BEST3: variants seen among roughly 807,000 people sequenced by gnomAD.
BEST3 encodes bestrophin 3.
BEST3 carries 50 observed loss-of-function variants against 47.1 expected under a neutral mutation model. The observed-to-expected ratio is 1.06, with a 90% CI of 0.85 to 1.34. The LOEUF is 1.34. BEST3 is among the 40% of genes most tolerant of loss of function. The probability of loss-of-function intolerance (pLI) is 0.00; values close to 1 mark genes in which losing one functional copy is unlikely to be tolerated. For missense variants in BEST3, 765 were observed against 817.0 expected (o/e 0.94, Z 0.78); for synonymous variants, 282 against 298.8 (o/e 0.94, Z 0.58).
At chr12:69,664,555 T>C (rs1884070865) in intron 9 of BEST3, among the ~76,000 whole-genome samples, 1 of 152,140 alleles carries the variant, frequency 6.6e-6, no homozygotes, top group South Asian at 2.1e-4. Context: ...TTCCTTCCTT[T>C]TTCCAAACAA....
intron 9 of BEST3, among the ~76,000 whole-genome samples, chr12:69,657,344 C>T (rs758120735): frequency 6.6e-6 from 1 of 152,134 alleles, no homozygotes; most frequent in South Asian, 2.1e-4. Flanking sequence ...AATCTGCCCA[C>T]CTTGCCCTCC....
At chr12:69,686,138 G>A (rs1405611236) in intron 4 of BEST3, among the ~76,000 whole-genome samples, 1 of 149,224 alleles carries the variant, frequency 6.7e-6, no homozygotes, top group Non-Finnish European at 1.5e-5. Context: ...ACACAAGGCA[G>A]TGGAGATTCA....
At position 69,699,280 on chromosome 12, in the gene BEST3, G is replaced by A. The variant is rs757458438; in HGVS notation, c.-91C>T. ...GGGCTCCCCCGAAGAGGTGCCTTCA[G>A]GTCGGTGCTGCACGCCCGGTGTCAC... On this transcript the variant is annotated 5_prime_UTR_variant, in exon 1 of 10. Coordinates refer to ENST00000330891, the MANE Select transcript of BEST3 (RefSeq NM_032735.3). 1 of 985,410 alleles carries A rather than the reference G, an allele frequency of 1.0e-6. No homozygotes were observed. The highest frequency in any genetic ancestry group is 1.2e-6 in the Non-Finnish European group (1 of 829,936). The allele number at this position is 985,410 out of a possible 1,614,324, so 61.0% of individuals were successfully genotyped here.
intron 4 of BEST3, chr12:69,684,575 CTT>C (rs1418103808): frequency 1.5e-6 from 1 of 681,932 alleles, no homozygotes; most frequent in African/African-American, 1.8e-5. Context: ...CATCTCAAAA[CTT>C]GAAGGCAGAA....
chr12:69,653,120 T>G (rs773071133), downstream of BEST3, among the ~76,000 whole-genome samples: 1 of 152,174 alleles, frequency 6.6e-6, no homozygotes, highest in African/African-American at 2.4e-5. Flanking sequence ...GAACATTGCG[T>G]ATCAGGAGGA....
At chr12:69,652,774 A>G (rs1883251093), downstream of BEST3, among the ~76,000 whole-genome samples, 1 of 152,226 alleles carries the variant, frequency 6.6e-6, no homozygotes, top group South Asian at 2.1e-4. Flanking sequence ...TGAGCAACAG[A>G]CAGAGCTAAA....
intron 4 of BEST3, among the ~76,000 whole-genome samples, chr12:69,690,176 G>A (rs1885860872): frequency 6.6e-6 from 1 of 152,102 alleles, no homozygotes; most frequent in East Asian, 1.9e-4. Flanking sequence ...AGGGCCTGTG[G>A]GTCTGTGGAT....
intron 9 of BEST3, among the ~76,000 whole-genome samples, chr12:69,647,782 C>G (rs1883086927): frequency 6.6e-6 from 1 of 152,020 alleles, no homozygotes; most frequent in Admixed American, 6.6e-5. Context: ...GATTTCTATT[C>G]AACAAATACC....
intron 1 of BEST3, 113 bp from the exon 2 acceptor site, chr12:69,697,926 C>G: frequency 1.3e-6 from 1 of 774,392 alleles, no homozygotes; most frequent in South Asian, 2.2e-5. Context: ...AGCCATATCT[C>G]TGTTTTGTCT....
chr12:69,693,468 T>A (rs1169344308), intron 4 of BEST3, among the ~76,000 whole-genome samples: 1 of 152,130 alleles, frequency 6.6e-6, no homozygotes, highest in African/African-American at 2.4e-5. Flanking sequence ...TTTCGCCATG[T>A]TGGCCAGGTT....
intron 9 of BEST3, among the ~76,000 whole-genome samples, chr12:69,659,298 C>G (rs977861350): frequency 6.6e-6 from 1 of 152,118 alleles, no homozygotes; most frequent in Admixed American, 6.5e-5. Context: ...GCCACTATTC[C>G]CAATATGACA....
chr12:69,671,205 C>G (rs1884547242), intron 9 of BEST3, among the ~76,000 whole-genome samples: 1 of 152,154 alleles, frequency 6.6e-6, no homozygotes, highest in South Asian at 2.1e-4. Context: ...CACTTTGTCA[C>G]CCAGGCTGGA....
chr12:69,651,754 C>T (rs1436188211), downstream of BEST3, among the ~76,000 whole-genome samples: 36 of 135,090 alleles, frequency 2.7e-4, no homozygotes, highest in Admixed American at 1.3e-3. Context: ...CAGCTCTGGG[C>T]GACAAAGTGA....
In BEST3 at chr12:69,655,700, G is replaced by T; in HGVS notation, c.1214C>A (p.Pro405His). ...GTAGCTTCTTCTTCTGGGGCTGGAG[G>T]GGTGTTCGTGGGCACTCAGGAACCG... The part of the protein sequence containing the change: ...VKRFLSAHEH[P>H]SSPRRRSYRR... The change falls in exon 10 of 10, where the codon CCC becomes CAC. Residue 405 changes from proline to histidine, a missense_variant. Pro to His is a moderately conservative substitution (Grantham distance 77). Coordinates refer to ENST00000330891, the MANE Select transcript of BEST3 (RefSeq NM_032735.3). 1.2e-6 allele frequency: 2 copies of T among 1,613,958 alleles called. No homozygotes were observed. The highest frequency in any genetic ancestry group is 1.7e-6 in the Non-Finnish European group (2 of 1,179,984).
At chr12:69,650,792 A>G (rs1246282432), downstream of BEST3, among the ~76,000 whole-genome samples, 2 of 152,148 alleles carry the variant, frequency 1.3e-5, no homozygotes, top group Non-Finnish European at 1.5e-5. Context: ...TGCCATGGTG[A>G]TGAGGCCTGG....
At position 69,654,583 on chromosome 12, in the gene BEST3, T is replaced by A; in HGVS notation, c.*324A>T. 1 of 1,049,768 alleles carries A rather than the reference T, an allele frequency of 9.5e-7. No individual in the cohort carries two copies. The highest frequency in any genetic ancestry group is 1.1e-6 in the Non-Finnish European group (1 of 869,572). The allele number at this position is 1,049,768 out of a possible 1,614,324, so 65.0% of individuals were successfully genotyped here. ...TTGGACTATGATCTATGAGACTCTTTCCACAACTAATAATCTATGAATTTA... is the reference window on the plus strand; with the variant it reads ...TTGGACTATGATCTATGAGACTCTTACCACAACTAATAATCTATGAATTTA... On this transcript the variant is annotated 3_prime_UTR_variant, in exon 10 of 10. Coordinates refer to ENST00000330891, the MANE Select transcript of BEST3 (RefSeq NM_032735.3).
rs543360668 is a variant in BEST3, at chr12:69,699,297, C to G, written c.-108G>C. On this transcript the variant is annotated 5_prime_UTR_variant, in exon 1 of 10. Transcript: ENST00000330891. Reference sequence around the variant, plus strand: ...TGCCTTCAGGTCGGTGCTGCACGCCCGGTGTCACCCTTCGCTCGTGCACAG... The same window carrying G: ...TGCCTTCAGGTCGGTGCTGCACGCCGGGTGTCACCCTTCGCTCGTGCACAG... The G allele has an allele frequency of 1.0e-6, 1 of 985,392 alleles. No individual in the cohort carries two copies. Among genetic ancestry groups the G allele is most frequent in the South Asian group, 4.7e-5 (1 of 21,286 alleles). 61.0% of individuals were successfully genotyped at this position (985,392 alleles called of 1,614,324 possible).
At chr12:69,667,006 G>A (rs7310083) in intron 9 of BEST3, among the ~76,000 whole-genome samples, 1 of 152,034 alleles carries the variant, frequency 6.6e-6, no homozygotes, top group African/African-American at 2.4e-5. Flanking sequence ...TCAGCTATCT[G>A]TCTTTCAGCC....
intron 2 of BEST3, among the ~76,000 whole-genome samples, chr12:69,695,475 G>C (rs1886098191): frequency 6.6e-6 from 1 of 152,158 alleles, no homozygotes; most frequent in Non-Finnish European, 1.5e-5. Context: ...TGGAGTTCCT[G>C]CCCCAGCTTT....
Sources: gnomAD v4.1 joint callset for allele counts (sites outside exome capture counted in the v4.1 genomes callset) on GRCh38, gnomAD v4.1.1 for gene constraint, MANE v1.5 for transcripts, NCBI Gene and HGNC (gene_info 2026-07-23, HGNC 2026-07-21) for gene names.